NCOA3: variants seen among roughly 807,000 people sequenced by gnomAD.
NCOA3 encodes CBP-interacting protein.
Under a neutral mutation model 158.8 loss-of-function variants are expected in NCOA3, and 51 were observed. That is an observed-to-expected ratio of 0.32 (90% confidence interval 0.26 to 0.41). The LOEUF (loss-of-function observed/expected upper bound fraction) is 0.41, where lower values mean the gene tolerates loss of function less well. Among genes scored for constraint, NCOA3 ranks in the 10% least tolerant of loss-of-function variants. NCOA3 has a pLI of 1.00. For missense variants in NCOA3, 1,510 were observed against 1,746.6 expected (o/e 0.86, Z 2.41); for synonymous variants, 537 against 592.4 (o/e 0.91, Z 1.36).
intron 1 of NCOA3, among the ~76,000 whole-genome samples, chr20:47,544,040 T>C (rs949568953): frequency 1.3e-5 from 2 of 152,198 alleles, no homozygotes; most frequent in Non-Finnish European, 2.9e-5. Context: ...TTTTCCTGTG[T>C]ACTCCACCCC....
intron 1 of NCOA3, among the ~76,000 whole-genome samples, chr20:47,525,520 G>A (rs1341629876): frequency 6.7e-6 from 1 of 148,794 alleles, no homozygotes; most frequent in African/African-American, 2.5e-5. Flanking sequence ...CCGGGCAGAG[G>A]CGCCCCTCAC....
At chr20:47,652,747 A>G (rs2086816652) in intron 21 of NCOA3, among the ~76,000 whole-genome samples, 167 bp downstream of exon 21, 1 of 152,230 alleles carries the variant, frequency 6.6e-6, no homozygotes, top group African/African-American at 2.4e-5. Flanking sequence ...AAGCACGCAC[A>G]TATCTATTAG....
chr20:47,622,628 T>C (rs2086260149), intron 3 of NCOA3, among the ~76,000 whole-genome samples: 1 of 152,146 alleles, frequency 6.6e-6, no homozygotes, highest in Non-Finnish European at 1.5e-5. Flanking sequence ...TGCGTCCGTG[T>C]GAAGAGACCA....
At chr20:47,637,177 T>C (rs2086528980) in intron 12 of NCOA3, among the ~76,000 whole-genome samples, 1 of 152,250 alleles carries the variant, frequency 6.6e-6, no homozygotes, top group African/African-American at 2.4e-5. Context: ...TAATATGCAC[T>C]TGAGAAAATG....
intron 21 of NCOA3, 64 bp from the exon 22 acceptor site, chr20:47,652,867 G>C: frequency 6.4e-7 from 1 of 1,551,884 alleles, no homozygotes; most frequent in South Asian, 1.1e-5. Flanking sequence ...AGTAATTTCT[G>C]TGGGCATGCC....
Position 47,542,025 on chromosome 20 carries a change from T to TGTTG in NCOA3, c.-99+40006_-99+40007insGTTG, listed in dbSNP as rs1262877784. Among the ~76,000 whole-genome samples, 490 of 105,832 alleles carry TGTTG rather than the reference T, an allele frequency of 4.6e-3. 1 individual carries two copies. Among genetic ancestry groups the TGTTG allele is most frequent in the African/African-American group, 0.015 (455 of 30,272 alleles). The allele number at this position is 105,832 out of a possible 152,430, so 69.4% of individuals were successfully genotyped here. A position where few individuals can be genotyped will look rare whatever the true frequency, so the allele number is the denominator to read the frequency against. ...CCCTGTAGAGTTTTTTTTTTTTTTT[T>TGTTG]TTTTTGTTGTTGTTGTTGTTGGAGG... On this transcript the variant is annotated intron_variant, in intron 1 of 22. Transcript: ENST00000371998.
chr20:47,511,113 C>T (rs1195214432), intron 1 of NCOA3, among the ~76,000 whole-genome samples: 2 of 151,978 alleles, frequency 1.3e-5, no homozygotes, highest in Non-Finnish European at 2.9e-5. Flanking sequence ...CACTTCAGTA[C>T]AAGGCAATCA....
intron 17 of NCOA3, 98 bp from the exon 18 acceptor site, chr20:47,646,975 G>A: frequency 9.4e-7 from 1 of 1,062,660 alleles, no homozygotes. Context: ...TTAAATACTT[G>A]TTGAATGACT....
In NCOA3 at chr20:47,639,008, G is replaced by A. The variant is rs749832830; in HGVS notation, c.2513G>A (p.Gly838Asp). Residue 838 changes from glycine to aspartate, a missense_variant and splice_region_variant, in exon 14 of 23, where the codon GGT becomes GAT. By Grantham distance (94) the Gly-to-Asp change is moderately conservative (BLOSUM62 -1). Coordinates refer to ENST00000371998, the MANE Select transcript of NCOA3 (RefSeq NM_181659.3). ...TGTTTTTGTATTGTGTTTTCAACAG[G>A]TTTGAAAAGTTCACAGTCTGTGCAG... ...QQVFQGTNSL[G>D]LKSSQSVQSI... The A allele has an allele frequency of 1.9e-6, 3 of 1,589,486 alleles. No individual in the cohort carries two copies. Among genetic ancestry groups the A allele is most frequent in the Non-Finnish European group, 1.7e-6 (2 of 1,167,292 alleles).
chr20:47,608,126 C>A (rs1033418284), intron 2 of NCOA3, among the ~76,000 whole-genome samples: 1 of 151,956 alleles, frequency 6.6e-6, no homozygotes, highest in African/African-American at 2.4e-5. Context: ...GCCTGGCCAA[C>A]ATGGTGAAAC....
Position 47,625,402 on chromosome 20 carries a change from A to T in NCOA3, c.278A>T (p.Asp93Val), listed in dbSNP as rs1428517778. The T allele has an allele frequency of 6.2e-7, 1 of 1,613,034 alleles. No individual in the cohort carries two copies. The highest frequency in any genetic ancestry group is 8.5e-7 in the Non-Finnish European group (1 of 1,179,128). Residue 93 changes from aspartate to valine, a missense_variant, in exon 5 of 23, where the codon GAT becomes GTT. By Grantham distance (152) the Asp-to-Val change is radical. Transcript: ENST00000371998. ...TCAGGAAAAACTATTTCCAATGATG[A>T]TGATGTTCAAAAAGCCGATGTATCT... is the stretch of plus-strand genomic sequence containing the variant. ...KEQGKTISND[D>V]DVQKADVSST...
chr20:47,635,695 C>T lies in NCOA3; in HGVS notation c.1486C>T (p.Gln496Ter). 1 of 1,613,148 alleles carries T rather than the reference C, an allele frequency of 6.2e-7. No homozygotes were observed. The highest frequency in any genetic ancestry group is 8.5e-7 in the Non-Finnish European group (1 of 1,179,348). Reference sequence around the variant, plus strand: ...TGGGAGTCCAAAGATAGCCTCACATCAGTTTTCTCCTGTTGCAGGTATTTG... The same window carrying T: ...TGGGAGTCCAAAGATAGCCTCACATTAGTTTTCTCCTGTTGCAGGTATTTG... The part of the protein sequence containing the change: ...NRGSPKIASH[Q>*]FSPVAGVHSP... The change falls in exon 11 of 23, where the codon CAG (glutamine) becomes TAG (stop). Residue 496 changes from glutamine to a stop codon, truncating the protein, a stop_gained. Coordinates refer to ENST00000371998, the MANE Select transcript of NCOA3 (RefSeq NM_181659.3). LOFTEE classifies it high-confidence loss of function.
chr20:47,576,705 A>AG (rs2085378292), intron 1 of NCOA3, among the ~76,000 whole-genome samples: 1 of 152,332 alleles, frequency 6.6e-6, no homozygotes, highest in Non-Finnish European at 1.5e-5. Context: ...TTGCAGCCCG[A>AG]GGGGTCAGCA....
At chr20:47,549,983 G>A (rs1239255057) in intron 1 of NCOA3, among the ~76,000 whole-genome samples, 1 of 152,144 alleles carries the variant, frequency 6.6e-6, no homozygotes, top group Non-Finnish European at 1.5e-5. Flanking sequence ...GGGATTACAG[G>A]CGTGAGCCAC....
intron 1 of NCOA3, among the ~76,000 whole-genome samples, chr20:47,544,150 A>T (rs978665025): frequency 6.6e-6 from 1 of 151,780 alleles, no homozygotes; most frequent in African/African-American, 2.4e-5. Context: ...ATATTGTCAA[A>T]TTTCCACTCT....
intron 18 of NCOA3, 58 bp downstream of exon 18, chr20:47,647,424 T>C (rs1218121188): frequency 1.3e-6 from 2 of 1,505,228 alleles, no homozygotes; most frequent in East Asian, 4.5e-5. Flanking sequence ...CAGACTATGT[T>C]TCTCAGTGTT....
chr20:47,600,438 A>C lies in NCOA3; in HGVS notation c.-20+17177A>C, dbSNP rs140017936. On this transcript the variant is annotated intron_variant, in intron 2 of 22. Coordinates refer to ENST00000371998, the MANE Select transcript of NCOA3 (RefSeq NM_181659.3). Reference sequence around the variant, plus strand: ...CAATCTGCCCGCCTCGGCCTCCCAAAGTGGTGGGATTTCAGGCGTGAGCCA... The same window carrying C: ...CAATCTGCCCGCCTCGGCCTCCCAACGTGGTGGGATTTCAGGCGTGAGCCA... Among the ~76,000 whole-genome samples, 281 of 151,764 alleles carry C rather than the reference A, an allele frequency of 1.9e-3. 2 individuals carry two copies. Among genetic ancestry groups the C allele is most frequent in the African/African-American group, 6.5e-3 (267 of 41,370 alleles).
chr20:47,505,003 GTTTTTTTTTTTT>G (rs1166777115), intron 1 of NCOA3, among the ~76,000 whole-genome samples: 2 of 28,550 alleles, frequency 7.0e-5, no homozygotes, highest in Admixed American at 7.1e-4. Flanking sequence ...TGGGTTTTTG[GTTTTTTTTTTTT>G]TTTTTTTTTT....
At chr20:47,625,511 G>A (rs1208128644) in intron 5 of NCOA3, 30 bp downstream of exon 5, 2 of 1,397,740 alleles carry the variant, frequency 1.4e-6, no homozygotes, top group Non-Finnish European at 2.0e-6. Flanking sequence ...CTGTCCAGTA[G>A]GCTGTATTGC....
Sources: gnomAD v4.1 joint callset for allele counts (sites outside exome capture counted in the v4.1 genomes callset) on GRCh38, gnomAD v4.1.1 for gene constraint, MANE v1.5 for transcripts, NCBI Gene and HGNC (gene_info 2026-07-23, HGNC 2026-07-21) for gene names.